CPED1: variants seen among roughly 807,000 people sequenced by gnomAD.
CPED1 encodes the protein cadherin like and PC-esterase domain containing 1.
Under a neutral mutation model 128.2 loss-of-function variants are expected in CPED1, and 114 were observed. That is an observed-to-expected ratio of 0.89 (90% confidence interval 0.76 to 1.04). The LOEUF is 1.04. Ranked by LOEUF, CPED1 falls within the 50% of genes least tolerant of loss-of-function variation. CPED1 has a pLI of 0.00. For synonymous variants in CPED1, 462 were observed against 426.7 expected, an observed-to-expected ratio of 1.08 and a Z score of -1.02; for missense variants, 1,211 against 1,207.1, an observed-to-expected ratio of 1.00 and a Z score of -0.05.
At chr7:121,170,778 C>T (rs1285851016) in intron 16 of CPED1, among the ~76,000 whole-genome samples, 3 of 152,102 alleles carry the variant, frequency 2.0e-5, no homozygotes, top group African/African-American at 4.8e-5. Context: ...AGGCCAGGCA[C>T]GGTGGCTCAC....
chr7:121,097,895 A>T, intron 6 of CPED1, 64 bp downstream of exon 6: 1 of 1,569,320 alleles, frequency 6.4e-7, no homozygotes, highest in East Asian at 2.2e-5. Context: ...AACAAGAGAA[A>T]AGCACAGAAC....
intron 3 of CPED1, among the ~76,000 whole-genome samples, chr7:121,043,096 G>A (rs1793100833): frequency 1.3e-5 from 2 of 150,330 alleles, no homozygotes; most frequent in Admixed American, 6.6e-5. Flanking sequence ...GAAAGAGCCT[G>A]TCCTAGGCCA....
At chr7:121,088,750 A>G (rs1794501430) in intron 5 of CPED1, among the ~76,000 whole-genome samples, 1 of 136,656 alleles carries the variant, frequency 7.3e-6, no homozygotes, top group Non-Finnish European at 1.6e-5. Flanking sequence ...GTTAAAATCT[A>G]GGCAAAAATT....
intron 21 of CPED1, 91 bp downstream of exon 21, chr7:121,267,393 A>G: frequency 1.7e-6 from 1 of 588,808 alleles, no homozygotes; most frequent in East Asian, 3.2e-5. Context: ...TATAATATTG[A>G]GCAACCTTCA....
At chr7:121,028,969 T>C (rs956301944) in intron 3 of CPED1, among the ~76,000 whole-genome samples, 1 of 152,118 alleles carries the variant, frequency 6.6e-6, no homozygotes, top group Non-Finnish European at 1.5e-5. Context: ...CTAATAATAA[T>C]AAACCATTTT....
intron 16 of CPED1, among the ~76,000 whole-genome samples, chr7:121,170,202 C>T (rs2116464703): frequency 6.6e-6 from 1 of 152,296 alleles, no homozygotes; most frequent in Non-Finnish European, 1.5e-5. Flanking sequence ...GCAGCTAACT[C>T]ACTGCATCTC....
intron 22 of CPED1, among the ~76,000 whole-genome samples, chr7:121,280,434 G>A (rs530928818): frequency 2.6e-5 from 4 of 152,272 alleles, no homozygotes; most frequent in East Asian, 1.9e-4. Flanking sequence ...AACGCTCAGC[G>A]TTGTCCAAGG....
chr7:121,267,370 C>A, intron 21 of CPED1, 68 bp downstream of exon 21: 1 of 868,320 alleles, frequency 1.2e-6, no homozygotes, highest in Non-Finnish European at 1.8e-6. Flanking sequence ...GGAAAAAGAC[C>A]CGTAAGGCAC....
chr7:121,098,010 T>C (rs1794742637), intron 6 of CPED1, among the ~76,000 whole-genome samples, 179 bp downstream of exon 6: 1 of 152,214 alleles, frequency 6.6e-6, no homozygotes, highest in Admixed American at 6.5e-5. Context: ...CCTAGATTAA[T>C]TCAAACCTGT....
chr7:121,253,233 G>A (rs1798726498), intron 18 of CPED1, among the ~76,000 whole-genome samples: 2 of 146,268 alleles, frequency 1.4e-5, no homozygotes, highest in South Asian at 4.3e-4. Context: ...AACACCTCAT[G>A]TTCTCACTCA....
intron 2 of CPED1, among the ~76,000 whole-genome samples, chr7:121,010,435 G>A (rs749655728): frequency 6.6e-5 from 10 of 152,086 alleles, no homozygotes; most frequent in African/African-American, 9.7e-5. Context: ...TTTTAGTAGA[G>A]ACAAGGTTTC....
intron 7 of CPED1, among the ~76,000 whole-genome samples, chr7:121,111,727 A>G (rs1201041448): frequency 1.3e-5 from 2 of 152,152 alleles, no homozygotes; most frequent in African/African-American, 2.4e-5. Context: ...GAAAAAACAC[A>G]TGAGGTTCTT....
intron 21 of CPED1, among the ~76,000 whole-genome samples, chr7:121,270,200 A>G (rs192618641): frequency 1.3e-5 from 2 of 152,172 alleles, no homozygotes; most frequent in Admixed American, 6.5e-5. Flanking sequence ...CAAATCATAT[A>G]TCTTCTTTTG....
intron 16 of CPED1, among the ~76,000 whole-genome samples, chr7:121,159,191 A>G (rs949791364): frequency 1.3e-5 from 2 of 152,208 alleles, no homozygotes; most frequent in African/African-American, 4.8e-5. Flanking sequence ...GCAGACCCAG[A>G]GAATAAAGAT....
intron 2 of CPED1, among the ~76,000 whole-genome samples, chr7:121,015,122 C>A (rs1792266418): frequency 6.6e-6 from 1 of 152,194 alleles, no homozygotes; most frequent in African/African-American, 2.4e-5. Context: ...ACCCATTCTA[C>A]CTCACTGAGA....
At chr7:121,013,205 A>G (rs1034271211) in intron 2 of CPED1, among the ~76,000 whole-genome samples, 1 of 152,210 alleles carries the variant, frequency 6.6e-6, no homozygotes, top group East Asian at 1.9e-4. Flanking sequence ...CAAAGGCTCA[A>G]TGTGTATTTG....
chr7:121,292,879 C>G lies in CPED1; in HGVS notation c.2869-2561C>G, dbSNP rs187559642. Among the ~76,000 whole-genome samples the G allele has an allele frequency of 1.1e-3, 174 of 152,280 alleles. 1 individual carries two copies. Among genetic ancestry groups the G allele is most frequent in the Non-Finnish European group, 8.8e-4 (60 of 68,032 alleles). On this transcript the variant is annotated intron_variant, in intron 22 of 22. Coordinates refer to ENST00000310396, the MANE Select transcript of CPED1 (RefSeq NM_024913.5). ...AGAACAGCAAAGATTGCTGCCTGCT[C>G]ATTCCTCTGGAAGCTTCATCCCAGA...
chr7:121,269,245 G>A (rs1207432926), intron 21 of CPED1, among the ~76,000 whole-genome samples: 1 of 151,976 alleles, frequency 6.6e-6, no homozygotes, highest in Non-Finnish European at 1.5e-5. Context: ...CATAAGTGAG[G>A]AGATGCAGTA....
intron 16 of CPED1, among the ~76,000 whole-genome samples, chr7:121,189,799 A>ATATATAT (rs58389973): frequency 0.059 from 1,826 of 31,024 alleles, 121 homozygotes; most frequent in East Asian, 0.096. Flanking sequence ...TATATATATA[A>ATATATAT]AATTTGTATT....
Sources: gnomAD v4.1 joint callset for allele counts (sites outside exome capture counted in the v4.1 genomes callset) on GRCh38, gnomAD v4.1.1 for gene constraint, MANE v1.5 for transcripts, NCBI Gene and HGNC (gene_info 2026-07-23, HGNC 2026-07-21) for gene names.